The following DCLK1 variants were observed in gnomAD, a reference collection of about 807,000 sequenced individuals.
DCLK1 encodes the protein serine/threonine-protein kinase DCLK1.
A neutral mutation model predicts 86.2 loss-of-function variants in DCLK1; 16 were observed. The ratio of observed to expected loss-of-function variants is 0.19; its 90% confidence interval spans 0.13 to 0.28. DCLK1 has a LOEUF of 0.28. Among genes scored for constraint, DCLK1 ranks in the 10% least tolerant of loss-of-function variants. DCLK1 has a pLI of 1.00. For missense variants in DCLK1, 590 were observed against 940.2 expected (o/e 0.63, Z 4.87); for synonymous variants, 369 against 370.5 (o/e 1.00, Z 0.05).
intron 6 of DCLK1, chr13:35,845,873 T>C: frequency 1.0e-6 from 1 of 968,698 alleles, no homozygotes; most frequent in South Asian, 4.8e-5. Context: ...TATCAAATTT[T>C]CTGAAAGAAA....
intron 11 of DCLK1, among the ~76,000 whole-genome samples, chr13:35,812,246 G>A (rs2087162620): frequency 6.6e-6 from 1 of 152,134 alleles, no homozygotes. Flanking sequence ...TCCTAATTGA[G>A]TCCCCTCTGT....
chr13:35,782,387 G>A (rs2086543410), intron 16 of DCLK1, among the ~76,000 whole-genome samples: 2 of 152,134 alleles, frequency 1.3e-5, no homozygotes, highest in Non-Finnish European at 2.9e-5. Flanking sequence ...TGCCATGTTT[G>A]TTCTCCATCA....
At chr13:35,866,028 T>C (rs1323066733) in intron 5 of DCLK1, among the ~76,000 whole-genome samples, 1 of 152,160 alleles carries the variant, frequency 6.6e-6, no homozygotes, top group African/African-American at 2.4e-5. Flanking sequence ...AAGAAATAGG[T>C]ATCAAGGACT....
chr13:36,092,633 C>G (rs1200512111), intron 3 of DCLK1, among the ~76,000 whole-genome samples: 1 of 150,544 alleles, frequency 6.6e-6, no homozygotes, highest in Non-Finnish European at 1.5e-5. Context: ...ACTACAGGCG[C>G]CCGCCACCAC....
chr13:36,115,527 T>C (rs1317684234), intron 2 of DCLK1, among the ~76,000 whole-genome samples: 1 of 152,004 alleles, frequency 6.6e-6, no homozygotes, highest in African/African-American at 2.4e-5. Context: ...GTTTTTCTTG[T>C]TTGTTTGTTT....
intron 3 of DCLK1, among the ~76,000 whole-genome samples, chr13:35,958,301 A>AATCATTACCACT (rs1878247903): frequency 0.088 from 3 of 34 alleles, no homozygotes; most frequent in South Asian, 0.5. Flanking sequence ...TAACCACTAT[A>AATCATTACCACT]ATAAACACCA....
At chr13:36,015,401 A>G (rs1490127170) in intron 3 of DCLK1, among the ~76,000 whole-genome samples, 1 of 152,158 alleles carries the variant, frequency 6.6e-6, no homozygotes, top group Non-Finnish European at 1.5e-5. Flanking sequence ...GAAACCCTCA[A>G]ATGAGCCAGC....
chr13:36,052,200 AGT>A (rs1476563988), intron 3 of DCLK1, among the ~76,000 whole-genome samples: 2 of 152,206 alleles, frequency 1.3e-5, no homozygotes, highest in Non-Finnish European at 2.9e-5. Context: ...TGGTGCAATT[AGT>A]AATTGCCTTT....
chr13:35,969,385 T>C (rs1878955825), intron 3 of DCLK1, among the ~76,000 whole-genome samples: 1 of 152,060 alleles, frequency 6.6e-6, no homozygotes, highest in African/African-American at 2.4e-5. Context: ...GAAAGCCATG[T>C]GAACATGGAG....
At chr13:35,882,490 A>T (rs1872975011) in intron 4 of DCLK1, among the ~76,000 whole-genome samples, 1 of 152,190 alleles carries the variant, frequency 6.6e-6, no homozygotes, top group South Asian at 2.1e-4. Flanking sequence ...TTTTATCAGG[A>T]AATCTATTGT....
intron 3 of DCLK1, among the ~76,000 whole-genome samples, chr13:36,054,774 G>A (rs947800174): frequency 1.3e-5 from 2 of 152,146 alleles, no homozygotes; most frequent in African/African-American, 4.8e-5. Flanking sequence ...CTAGGAGTGT[G>A]TATCTTGCTG....
intron 3 of DCLK1, among the ~76,000 whole-genome samples, chr13:36,078,491 C>T (rs928136516): frequency 6.6e-6 from 1 of 152,158 alleles, no homozygotes; most frequent in African/African-American, 2.4e-5. Context: ...GAGTAGAAAT[C>T]TCCCACAATT....
At chr13:35,835,963 A>C in intron 8 of DCLK1, 70 bp downstream of exon 8, 1 of 1,131,316 alleles carries the variant, frequency 8.8e-7, no homozygotes, top group South Asian at 1.5e-5. Flanking sequence ...CTGGAAATAG[A>C]GACACAATCT....
intron 15 of DCLK1, among the ~76,000 whole-genome samples, chr13:35,799,717 A>G (rs1361309669): frequency 6.6e-6 from 1 of 152,190 alleles, no homozygotes; most frequent in Non-Finnish European, 1.5e-5. Context: ...TATCACAATG[A>G]TGATAATTTG....
At chr13:35,933,560 C>T (rs1016033975) in intron 4 of DCLK1, among the ~76,000 whole-genome samples, 2 of 152,208 alleles carry the variant, frequency 1.3e-5, no homozygotes, top group Non-Finnish European at 2.9e-5. Context: ...TATGTGCACC[C>T]GCAGGCTCAA....
At chr13:35,958,432 T>A (rs574175687) in intron 3 of DCLK1, among the ~76,000 whole-genome samples, 1 of 138,544 alleles carries the variant, frequency 7.2e-6, no homozygotes, top group Admixed American at 7.4e-5. Context: ...ATCATCACTA[T>A]AACAACACCA....
At chr13:35,939,032 T>A (rs1311154522) in intron 4 of DCLK1, among the ~76,000 whole-genome samples, 1 of 152,224 alleles carries the variant, frequency 6.6e-6, no homozygotes, top group Non-Finnish European at 1.5e-5. Context: ...GTACTCTATA[T>A]GTATCCATAG....
chr13:35,858,859 C>G (rs1037352874), intron 5 of DCLK1, among the ~76,000 whole-genome samples: 6 of 152,204 alleles, frequency 3.9e-5, no homozygotes, highest in African/African-American at 1.4e-4. Flanking sequence ...AGCATGTACT[C>G]TTAGGGTCAG....
chr13:35,849,140 T>G (rs942873234), intron 6 of DCLK1: 3 of 985,392 alleles, frequency 3.0e-6, no homozygotes, highest in Non-Finnish European at 3.6e-6. Flanking sequence ...GCTGTTAGAT[T>G]GCCTGGACGT....
Sources: gnomAD v4.1 joint callset for allele counts (sites outside exome capture counted in the v4.1 genomes callset) on GRCh38, gnomAD v4.1.1 for gene constraint, MANE v1.5 for transcripts, NCBI Gene and HGNC (gene_info 2026-07-23, HGNC 2026-07-21) for gene names.